METTL26: variants seen among roughly 807,000 people sequenced by gnomAD.
METTL26 encodes methyltransferase-like 26.
METTL26 carries 28 observed loss-of-function variants against 24.7 expected under a neutral mutation model. That is an observed-to-expected ratio of 1.13 (90% CI 0.84 to 1.55). The LOEUF is 1.55. Ranked by LOEUF, METTL26 falls within the 40% of genes most tolerant of loss-of-function variation. The probability of loss-of-function intolerance (pLI) is 0.00; values close to 1 mark genes in which losing one functional copy is unlikely to be tolerated. For missense variants in METTL26, 344 were observed against 281.2 expected (o/e 1.22, Z -1.60); for synonymous variants, 165 against 125.2 (o/e 1.32, Z -2.12).
chr16:635,487 G>C (rs963269628), intron 2 of METTL26, 125 bp downstream of exon 2: 15 of 890,974 alleles, frequency 1.7e-5, no homozygotes, highest in Admixed American at 7.2e-5. Context: ...CCCTCACCCC[G>C]ACTGTGATGG....
At position 634,874 on chromosome 16, in the gene METTL26, G is replaced by C. The variant is rs145925272; in HGVS notation, c.488+15C>G. The stretch of plus-strand genomic sequence containing the variant: ...ACCTGCCACCTGAGCCAGACCCCCC[G>C]CCTCTAGCTCTGACCTGCATCTGAG... On this transcript the variant is annotated intron_variant, in intron 4 of 5. Coordinates refer to ENST00000301686, the MANE Select transcript of METTL26 (RefSeq NM_032366.5). The C allele has an allele frequency of 3.5e-5, 55 of 1,580,240 alleles. No homozygotes were observed. The Middle Eastern group carries it at 1.2e-3, about 34-fold the overall frequency.
rs1475161374 is a variant in METTL26 at position 635,135 on chromosome 16, G to C, written c.420+146C>G. The C allele has an allele frequency of 8.8e-6, 13 of 1,485,018 alleles. No individual in the cohort carries two copies. In the African/African-American group the frequency reaches 1.7e-4, roughly 19 times the overall value. The allele number at this position is 1,485,018 out of a possible 1,614,324, so 92.0% of individuals were successfully genotyped here. A position where few individuals can be genotyped will look rare whatever the true frequency, so the allele number is the denominator to read the frequency against. ...GGTAGGGAGGCTGGCAGATGACCCA[G>C]GGAGGGGTACAGACTGGAAGTGGAG... On this transcript the variant is annotated intron_variant, in intron 3 of 5. Coordinates refer to ENST00000301686, the MANE Select transcript of METTL26 (RefSeq NM_032366.5).
chr16:636,056 C>G, intron 1 of METTL26, 38 bp downstream of exon 1: 4 of 1,425,198 alleles, frequency 2.8e-6, no homozygotes, highest in Non-Finnish European at 3.6e-6. Context: ...GGCCCCGGAC[C>G]GCCGCACCGA....
Position 635,250 on chromosome 16 carries a change from C to T in METTL26, c.420+31G>A, listed in dbSNP as rs368622947. ...AGGAGACAGCAGCTAGGACTGGGAG[C>T]GGGAGGCCCGCCGTGGACAGGCCCA... On this transcript the variant is annotated intron_variant, in intron 3 of 5. Coordinates refer to ENST00000301686, the MANE Select transcript of METTL26 (RefSeq NM_032366.5). 131 of 1,546,548 alleles carry T rather than the reference C, an allele frequency of 8.5e-5. No homozygotes were observed. In the Admixed American group the frequency reaches 1.8e-3, roughly 21 times the overall value.
In METTL26 at chr16:634,522, C is replaced by T. The variant is rs201470955; in HGVS notation, c.*75G>A. 549 of 1,612,280 alleles carry T rather than the reference C, an allele frequency of 3.4e-4. 2 individuals carry two copies. Among genetic ancestry groups the T allele is most frequent in the African/African-American group, 8.9e-4 (67 of 75,058 alleles). The stretch of plus-strand genomic sequence containing the variant: ...GGGTGGGGCTGTCGTCCACAAGGTC[C>T]GGCCTAGGGAGGCAGGGTTCGTGCC... On this transcript the variant is annotated 3_prime_UTR_variant, in exon 6 of 6. Coordinates refer to ENST00000301686, the MANE Select transcript of METTL26 (RefSeq NM_032366.5).
chr16:634,599 A>C lies in METTL26; in HGVS notation c.613T>G (p.Ter205GluextTer?), dbSNP rs1356487432. The C allele has an allele frequency of 3.2e-5, 52 of 1,613,244 alleles. No homozygotes were observed. The highest frequency in any genetic ancestry group is 4.3e-5 in the Non-Finnish European group (51 of 1,179,986). ...NNKCLIFRKN* is the reference protein window; with the variant it reads ...NNKCLIFRKNE ...GTGTGCGGGGGTGAAGGAGGGGCTT[A>C]GTTTTTCCGGAAGATCAGGCATTTG... The change falls in exon 6 of 6, where the codon TAA becomes GAA. Residue 205 changes from the stop codon to glutamate (E), a stop_lost. Coordinates refer to ENST00000301686, the MANE Select transcript of METTL26 (RefSeq NM_032366.5).
chr16:634,503 G>A lies in METTL26; in HGVS notation c.*94C>T. 1.2e-6 allele frequency: 2 copies of A among 1,606,542 alleles called. 1 individual carries two copies. On this transcript the variant is annotated 3_prime_UTR_variant, in exon 6 of 6. Transcript: ENST00000301686. ...GCGGCTGAGAGCACAGACTGGGTGG[G>A]GCTGTCGTCCACAAGGTCCGGCCTA...
intron 1 of METTL26, 100 bp downstream of exon 1, chr16:635,994 A>G (rs1433954353): frequency 4.2e-6 from 6 of 1,416,950 alleles, no homozygotes; most frequent in South Asian, 1.5e-5. Flanking sequence ...CCGCACCCTC[A>G]GAGCCCGAGC....
chr16:635,372 G>A (rs755393036), intron 2 of METTL26, 32 bp from the exon 3 acceptor site: 1 of 1,572,238 alleles, frequency 6.4e-7, no homozygotes, highest in Non-Finnish European at 8.7e-7. Context: ...GCAGTGAGGT[G>A]CTGCCCCCAA....
Position 634,919 on chromosome 16 carries a change from T to C in METTL26, c.458A>G (p.Asn153Ser), listed in dbSNP as rs1442801236. The change falls in exon 4 of 6, where the codon AAC (asparagine) becomes AGC (serine). Residue 153 changes from asparagine to serine, a missense_variant. Physicochemically the swap from Asn to Ser is conservative, Grantham distance 46. Coordinates refer to ENST00000301686, the MANE Select transcript of METTL26 (RefSeq NM_032366.5). ...AINGKISPQS[N>S]VDFDLMLRCR... is the part of the protein sequence containing the mutation. The stretch of plus-strand genomic sequence containing the variant: ...TCTGAGCATCAGGTCAAAGTCCACG[T>C]TGCTCTGGGGGGAGATCTTCCCATT... 3 of 1,606,562 alleles carry C rather than the reference T, an allele frequency of 1.9e-6. No homozygotes were observed. Among genetic ancestry groups the C allele is most frequent in the Admixed American group, 1.7e-5 (1 of 58,942 alleles).
intron 2 of METTL26, 53 bp downstream of exon 2, chr16:635,559 C>G (rs1567202349): frequency 6.5e-7 from 1 of 1,543,468 alleles, no homozygotes; most frequent in Non-Finnish European, 8.7e-7. Context: ...CAGCTGCCCC[C>G]ATGCAGGGTG....
At position 634,805 on chromosome 16, in the gene METTL26, G is replaced by A. The variant is rs764867078; in HGVS notation, c.489-8C>T. ...AGCCCCCATTCTGGGTTCCTGCAGA[G>A]GGTGGGGAGATGGAGTCATGGCCTG... On this transcript the variant is annotated splice_region_variant and splice_polypyrimidine_tract_variant and intron_variant, in intron 4 of 5. Coordinates refer to ENST00000301686, the MANE Select transcript of METTL26 (RefSeq NM_032366.5). The A allele has an allele frequency of 3.7e-6, 6 of 1,606,724 alleles. No individual in the cohort carries two copies. In the Admixed American group the frequency reaches 8.4e-5, roughly 23 times the overall value.
In METTL26 at chr16:635,309, T is replaced by C. The variant is rs372232854; in HGVS notation, c.392A>G (p.Lys131Arg). 4.4e-6 allele frequency: 7 copies of C among 1,599,410 alleles called. No homozygotes were observed. In the East Asian group the frequency reaches 6.8e-5, roughly 15 times the overall value. ...GTAGGTGATGAGCAGGGCCCTGGGT[T>C]TGAGCAGGTGTCCTGCTGCTCTGAA... ...GLFRAAGHLL[K>R]PRALLITYGP... is the part of the protein sequence containing the mutation. Residue 131 changes from lysine (K) to arginine (R), a missense_variant, in exon 3 of 6, where the codon AAA (lysine) becomes AGA (arginine). Physicochemically the swap from Lys to Arg is conservative, Grantham distance 26. Transcript: ENST00000301686.
intron 2 of METTL26, 52 bp downstream of exon 2, chr16:635,560 A>T: frequency 6.5e-7 from 1 of 1,543,736 alleles, no homozygotes; most frequent in South Asian, 1.2e-5. Context: ...AGCTGCCCCC[A>T]TGCAGGGTGA....
At position 634,700 on chromosome 16, in the gene METTL26, C is replaced by T. The variant is rs768035562; in HGVS notation, c.567+19G>A. ...TCAACCCCTAGAGAGGTTGCCTGGG[C>T]CCCCGCTCCCCCACCTACCATCCTC... On this transcript the variant is annotated intron_variant, in intron 5 of 5. Coordinates refer to ENST00000301686, the MANE Select transcript of METTL26 (RefSeq NM_032366.5). 33 of 1,612,742 alleles carry T rather than the reference C, an allele frequency of 2.0e-5. 1 individual carries two copies. The highest frequency in any genetic ancestry group is 1.8e-4 in the South Asian group (16 of 91,088).
intron 3 of METTL26, 51 bp from the exon 4 acceptor site, chr16:635,007 G>A (rs766325827): frequency 6.4e-7 from 1 of 1,552,864 alleles, no homozygotes; most frequent in South Asian, 1.2e-5. Context: ...GTATTTCCCA[G>A]AGAGCCTGGG....
rs1027109094 is a variant in METTL26, at chr16:635,340, C to T, written c.361G>A (p.Gly121Arg). The T allele has an allele frequency of 1.9e-6, 3 of 1,598,264 alleles. No individual in the cohort carries two copies. Among genetic ancestry groups the T allele is most frequent in the African/African-American group, 1.3e-5 (1 of 74,738 alleles). ...AGGTGTCCTGCTGCTCTGAAGAGCC[C>T]CTGGTGAGTAGGAACAGGACGGCAG... ...AHVSPLRCTE[G>R]LFRAAGHLLK... Residue 121 changes from glycine (G) to arginine (R), a missense_variant and splice_region_variant, in exon 3 of 6, where the codon GGG (glycine) becomes AGG (arginine). Transcript: ENST00000301686.
rs914436309 is a variant in METTL26, at chr16:635,603, C to T, written c.360+9G>A. 6.5e-7 allele frequency: 1 copy of T among 1,548,970 alleles called. No individual in the cohort carries two copies. Among genetic ancestry groups the T allele is most frequent in the Non-Finnish European group, 8.7e-7 (1 of 1,146,716 alleles). On this transcript the variant is annotated intron_variant, in intron 2 of 5. Transcript: ENST00000301686. Reference sequence around the variant, plus strand: ...CACGGCAGACACCCATGCTGGGCTCCCCACAGACCTCCGTGCAGCGCAGGG... The same window carrying T: ...CACGGCAGACACCCATGCTGGGCTCTCCACAGACCTCCGTGCAGCGCAGGG...
At position 634,512 on chromosome 16, in the gene METTL26, C is replaced by A. The variant is rs1171864477; in HGVS notation, c.*85G>T. 3.1e-6 allele frequency: 5 copies of A among 1,611,310 alleles called. No homozygotes were observed. The African/African-American group carries it at 5.3e-5, about 17-fold the overall frequency. ...AGCACAGACTGGGTGGGGCTGTCGTCCACAAGGTCCGGCCTAGGGAGGCAG... is the reference window on the plus strand; with the variant it reads ...AGCACAGACTGGGTGGGGCTGTCGTACACAAGGTCCGGCCTAGGGAGGCAG... On this transcript the variant is annotated 3_prime_UTR_variant, in exon 6 of 6. Transcript: ENST00000301686.
Sources: gnomAD v4.1 joint callset for allele counts on GRCh38, gnomAD v4.1.1 for gene constraint, MANE v1.5 for transcripts, NCBI Gene and HGNC (gene_info 2026-07-23, HGNC 2026-07-21) for gene names.